The following SH3RF3 variants were observed in gnomAD, a reference collection of about 807,000 sequenced individuals.
SH3RF3 encodes SH3 domain containing ring finger 3.
Under a neutral mutation model 66.3 loss-of-function variants are expected in SH3RF3, and 29 were observed. The observed-to-expected ratio is 0.44, with a 90% confidence interval of 0.33 to 0.60. The LOEUF (loss-of-function observed/expected upper bound fraction) is 0.60. Among genes scored for constraint, SH3RF3 ranks in the 20% least tolerant of loss-of-function variants. The pLI is 0.04. For missense variants in SH3RF3, 1,194 were observed against 1,190.9 expected, an observed-to-expected ratio of 1.00 and a Z score of -0.04; for synonymous variants, 583 against 532.0, an observed-to-expected ratio of 1.10 and a Z score of -1.32.
rs538814605 is a variant in SH3RF3 at position 109,323,740 on chromosome 2, G to A, written c.574-23934G>A. 2.0e-5 allele frequency among the ~76,000 whole-genome samples: 3 copies of A among 152,288 alleles called. No homozygotes were observed. The South Asian group carries it at 6.2e-4, about 32-fold the overall frequency. ...CACCCTCCTGTAAGAGTGGGCATGAGGATGCTTCTCTAAGCTGTCAACATG... is the reference window on the plus strand; with the variant it reads ...CACCCTCCTGTAAGAGTGGGCATGAAGATGCTTCTCTAAGCTGTCAACATG... On this transcript the variant is annotated intron_variant, in intron 1 of 9. Transcript: ENST00000309415.
intron 7 of SH3RF3, among the ~76,000 whole-genome samples, chr2:109,438,915 G>A (rs905804267): frequency 4.6e-5 from 7 of 152,146 alleles, no homozygotes; most frequent in African/African-American, 1.7e-4. Flanking sequence ...AATCAGCCCG[G>A]TGTTCTGTAC....
At position 109,189,591 on chromosome 2, in the gene SH3RF3, A is replaced by T. The variant is rs747487951; in HGVS notation, c.573+59478A>T. On this transcript the variant is annotated intron_variant, in intron 1 of 9. Transcript: ENST00000309415. ...ACTATATTGGAAAGGCTGGTTTTGA[A>T]CTCCTGACCTCATGATCTTCCCTCC... Among the ~76,000 whole-genome samples the T allele has an allele frequency of 1.3e-3, 204 of 151,486 alleles. 3 individuals are homozygous for T. Among genetic ancestry groups the T allele is most frequent in the Non-Finnish European group, 4.1e-4 (28 of 67,848 alleles).
chr2:109,490,586 A>G lies in SH3RF3; in HGVS notation c.2149-19A>G. The G allele has an allele frequency of 1.4e-6, 2 of 1,413,998 alleles. No individual in the cohort carries two copies. Among genetic ancestry groups the G allele is most frequent in the Non-Finnish European group, 1.8e-6 (2 of 1,082,558 alleles). 87.6% of individuals were successfully genotyped at this position (1,413,998 alleles called of 1,614,324 possible). On this transcript the variant is annotated intron_variant, in intron 8 of 9. Transcript: ENST00000309415. ...GGAAGCATTCACCTGTTTGGTTTCC[A>G]TCTTGTGTGTCTCCCCAGAAAGAGA...
chr2:109,383,907 T>G (rs1218736810), intron 3 of SH3RF3, among the ~76,000 whole-genome samples: 1 of 152,210 alleles, frequency 6.6e-6, no homozygotes, highest in South Asian at 2.1e-4. Flanking sequence ...ACCACCCCGC[T>G]GAGTCTCCAG....
intron 1 of SH3RF3, among the ~76,000 whole-genome samples, chr2:109,158,008 G>C (rs1677391307): frequency 6.6e-6 from 1 of 152,186 alleles, no homozygotes; most frequent in Non-Finnish European, 1.5e-5. Flanking sequence ...CCCGTGGTAT[G>C]TTCTAGTTCT....
chr2:109,223,394 G>A (rs765360274), intron 1 of SH3RF3, among the ~76,000 whole-genome samples: 3 of 152,192 alleles, frequency 2.0e-5, no homozygotes, highest in Non-Finnish European at 4.4e-5. Context: ...AGGAGCTGCC[G>A]TGTGCTCGCT....
intron 8 of SH3RF3, among the ~76,000 whole-genome samples, chr2:109,468,334 A>G (rs1678413013): frequency 6.6e-6 from 1 of 152,186 alleles, no homozygotes; most frequent in Non-Finnish European, 1.5e-5. Context: ...AGGAAGGGGA[A>G]TGCGTTGCAC....
chr2:109,331,336 C>T (rs925635412), intron 1 of SH3RF3, among the ~76,000 whole-genome samples: 9 of 152,098 alleles, frequency 5.9e-5, no homozygotes, highest in African/African-American at 2.2e-4. Flanking sequence ...TAACAGCCAC[C>T]TGGCCTGTTT....
At chr2:109,453,647 T>C (rs916730989) in intron 8 of SH3RF3, among the ~76,000 whole-genome samples, 2 of 152,236 alleles carry the variant, frequency 1.3e-5, no homozygotes, top group African/African-American at 4.8e-5. Flanking sequence ...AGCATGAGGA[T>C]GTACCTGGCA....
At chr2:109,249,530 T>G (rs1251914722) in intron 1 of SH3RF3, among the ~76,000 whole-genome samples, 3 of 134,914 alleles carry the variant, frequency 2.2e-5, no homozygotes, top group Non-Finnish European at 4.8e-5. Context: ...TTTCTTTCTT[T>G]CTTTCCTTCC....
chr2:109,309,604 C>G (rs1675039521), intron 1 of SH3RF3, among the ~76,000 whole-genome samples: 1 of 128,168 alleles, frequency 7.8e-6, no homozygotes, highest in East Asian at 2.1e-4. Flanking sequence ...ATTCAGGAAA[C>G]CCATCTCACG....
chr2:109,214,644 C>G (rs1291976437), intron 1 of SH3RF3, among the ~76,000 whole-genome samples: 1 of 152,132 alleles, frequency 6.6e-6, no homozygotes, highest in East Asian at 1.9e-4. Flanking sequence ...AAGAACGTCT[C>G]TGCCTGACAC....
In SH3RF3 at chr2:109,238,890, C is replaced by T. The variant is rs542537473; in HGVS notation, c.573+108777C>T. 5.3e-5 allele frequency among the ~76,000 whole-genome samples: 8 copies of T among 152,308 alleles called. No individual in the cohort carries two copies. The East Asian group carries it at 9.6e-4, about 18-fold the overall frequency. On this transcript the variant is annotated intron_variant, in intron 1 of 9. Transcript: ENST00000309415. ...TGTCCCAAGGGAGGATACAGCTCCA[C>T]TGTGGTCACTGGCTCTATGTGAGGG... is the stretch of plus-strand genomic sequence containing the variant.
intron 4 of SH3RF3, among the ~76,000 whole-genome samples, chr2:109,409,776 T>C (rs1200758143): frequency 1.0e-5 from 1 of 99,302 alleles, no homozygotes; most frequent in Non-Finnish European, 2.1e-5. Flanking sequence ...AGCAGAAGAA[T>C]CAGCCATAAA....
In SH3RF3 at chr2:109,171,731, G is replaced by A. The variant is rs11902176; in HGVS notation, c.573+41618G>A. Reference sequence around the variant, plus strand: ...TCCAGAGGCCCAGCCCCTGCGCCTGGCGCTGCCCTCCTGGTGCCCACGCTG... The same window carrying A: ...TCCAGAGGCCCAGCCCCTGCGCCTGACGCTGCCCTCCTGGTGCCCACGCTG... On this transcript the variant is annotated intron_variant, in intron 1 of 9. Coordinates refer to ENST00000309415, the MANE Select transcript of SH3RF3 (RefSeq NM_001099289.3). Among the ~76,000 whole-genome samples the A allele has an allele frequency of 6.2e-3, 944 of 152,372 alleles. 8 individuals carry two copies. Among genetic ancestry groups the A allele is most frequent in the African/African-American group, 0.021 (893 of 41,590 alleles).
intron 2 of SH3RF3, among the ~76,000 whole-genome samples, chr2:109,369,396 C>G (rs914030592): frequency 6.6e-6 from 1 of 152,188 alleles, no homozygotes; most frequent in Non-Finnish European, 1.5e-5. Flanking sequence ...CAACGCTGAG[C>G]GTTGCTGGAG....
intron 5 of SH3RF3, among the ~76,000 whole-genome samples, chr2:109,422,469 T>C (rs1008193341): frequency 6.6e-6 from 1 of 152,214 alleles, no homozygotes; most frequent in Non-Finnish European, 1.5e-5. Context: ...TGTGAAAGGC[T>C]TCCCTGGCAT....
chr2:109,315,056 C>G (rs577265503), intron 1 of SH3RF3, among the ~76,000 whole-genome samples: 10 of 152,336 alleles, frequency 6.6e-5, no homozygotes, highest in African/African-American at 2.4e-4. Flanking sequence ...TTGAAGAGCC[C>G]ATACACGACA....
At position 109,437,147 on chromosome 2, in the gene SH3RF3, G is replaced by C; in HGVS notation, c.1828+1G>C. The C allele has an allele frequency of 6.2e-7, 1 of 1,607,314 alleles. No homozygotes were observed. Among genetic ancestry groups the C allele is most frequent in the Non-Finnish European group, 8.5e-7 (1 of 1,175,466 alleles). The stretch of plus-strand genomic sequence containing the variant: ...CAAGCCCGGAGCACCATTTCAACAG[G>C]TACCTTCACAGGGGCCTCACCCTGC... On this transcript the variant is annotated splice_donor_variant, in intron 7 of 9. Transcript: ENST00000309415. LOFTEE classifies it high-confidence loss of function.
Sources: allele counts gnomAD v4.1 joint callset (sites outside exome capture counted in the v4.1 genomes callset), GRCh38; gene constraint gnomAD v4.1.1; transcripts MANE v1.5; gene names NCBI Gene and HGNC (gene_info 2026-07-23, HGNC 2026-07-21).